Variants in ZNF805 observed in about 807,000 individuals in gnomAD.
The protein encoded by ZNF805 is zinc finger protein 805.
Under a neutral mutation model 13.6 loss-of-function variants are expected in ZNF805, and 7 were observed. That is an observed-to-expected ratio of 0.51 (90% CI 0.29 to 0.97). The LOEUF is 0.97. Among genes scored for constraint, ZNF805 ranks in the 50% least tolerant of loss-of-function variants. The pLI, the probability that ZNF805 is intolerant of heterozygous loss-of-function variation, is 0.08. For missense variants in ZNF805, 604 were observed against 771.0 expected (o/e 0.78, Z 2.57); for synonymous variants, 293 against 279.8 (o/e 1.05, Z -0.47).
Position 57,254,562 on chromosome 19 carries a change from C to G in ZNF805, c.1743C>G (p.Thr581=). The G allele has an allele frequency of 6.2e-7, 1 of 1,614,180 alleles. No individual in the cohort carries two copies. The highest frequency in any genetic ancestry group is 1.1e-5 in the South Asian group (1 of 91,082). ...DVGRPFTSGQ[T]SVNIQELLLG... ...GAAGACCTTTTACAAGTGGGCAGAC[C>G]TCAGTCAACATCCAAGAACTTTTAT... is the stretch of plus-strand genomic sequence containing the variant. Residue 581 remains threonine (T), a synonymous_variant, in exon 4 of 4, where the codon ACC becomes ACG. Coordinates refer to ENST00000414468, the MANE Select transcript of ZNF805 (RefSeq NM_001023563.4).
rs1165077381 is a variant in ZNF805 at position 57,261,941 on chromosome 19, TAAAAC to T, written c.*7241_*7245del. 7 of 166,808 alleles carry T rather than the reference TAAAAC, an allele frequency of 4.2e-5. No individual in the cohort carries two copies. The highest frequency in any genetic ancestry group is 2.1e-4 in the South Asian group (1 of 4,830). 10.3% of individuals were successfully genotyped at this position (166,808 alleles called of 1,614,324 possible). ...CTTCATTGAAGCTCCATCTGGGACT[TAAAAC>T]AACACACGTGAGATGTGTTCCAGGA... On this transcript the variant is annotated 3_prime_UTR_variant, in exon 4 of 4. Transcript: ENST00000414468.
rs1484595402 is a variant in ZNF805 at position 57,259,333 on chromosome 19, C to A, written c.*4630C>A. ...TCTCTTGTGCTTTCATGTTTACCCC[C>A]TTTTTCTGGTCTATTTTTCCCTTTT... is the stretch of plus-strand genomic sequence containing the variant. On this transcript the variant is annotated 3_prime_UTR_variant, in exon 4 of 4. Transcript: ENST00000414468. Among the ~76,000 whole-genome samples the A allele has an allele frequency of 6.6e-6, 1 of 151,822 alleles. No homozygotes were observed. Among genetic ancestry groups the A allele is most frequent in the East Asian group, 1.9e-4 (1 of 5,182 alleles).
In ZNF805 at chr19:57,250,407, T is replaced by C. The variant is rs1429647736; in HGVS notation, c.253+1707T>C. ...ACCACCACATCCGGCTAATTTTGTA[T>C]TTTTAGTAGAGATGGAGTTTCACCA... On this transcript the variant is annotated intron_variant, in intron 3 of 3. Transcript: ENST00000414468. 3.3e-5 allele frequency among the ~76,000 whole-genome samples: 5 copies of C among 152,158 alleles called. No individual in the cohort carries two copies. In the South Asian group the frequency reaches 6.2e-4, roughly 19 times the overall value.
At position 57,254,642 on chromosome 19, in the gene ZNF805, C is replaced by A; in HGVS notation, c.1823C>A (p.Ala608Glu). The change falls in exon 4 of 4, where the codon GCA becomes GAA. Residue 608 changes from alanine (A) to glutamate (E), a missense_variant. Ala to Glu is a moderately radical substitution (Grantham distance 107). This residue lies in a region of ZNF805 where 49 missense variants were observed against 40.0 expected (regional missense o/e 1.23). Coordinates refer to ENST00000414468, the MANE Select transcript of ZNF805 (RefSeq NM_001023563.4). Reference sequence around the variant, plus strand: ...GAGGAAAATCTTTTGCAAGAGGAAGCATCTTACATGGCATCTGATCGTACA... The same window carrying A: ...GAGGAAAATCTTTTGCAAGAGGAAGAATCTTACATGGCATCTGATCGTACA... ...TTEENLLQEE[A>E]SYMASDRTYQ... The A allele has an allele frequency of 6.2e-7, 1 of 1,614,120 alleles. No homozygotes were observed. The highest frequency in any genetic ancestry group is 8.5e-7 in the Non-Finnish European group (1 of 1,180,004).
intron 1 of ZNF805, among the ~76,000 whole-genome samples, chr19:57,242,673 C>T (rs1016924841): frequency 1.3e-5 from 2 of 152,170 alleles, no homozygotes; most frequent in African/African-American, 4.8e-5. Flanking sequence ...AGAGGATGAG[C>T]TGGTCCAGGC....
intron 3 of ZNF805, among the ~76,000 whole-genome samples, chr19:57,249,412 A>G (rs1010298691): frequency 6.6e-6 from 1 of 152,258 alleles, no homozygotes; most frequent in Non-Finnish European, 1.5e-5. Context: ...ATTTTTATAA[A>G]AAACAAAAAA....
chr19:57,253,228 G>A lies in ZNF805; in HGVS notation c.409G>A (p.Glu137Lys). The A allele has an allele frequency of 6.4e-7, 1 of 1,557,902 alleles. No individual in the cohort carries two copies. ...GGATGGGTTTTCAGAAATGCAGGGA[G>A]AACGCTTGAGACCAGGGTTAGATTC... Reference protein sequence around the residue: ...DQDGFSEMQGERLRPGLDSQK... With the variant: ...DQDGFSEMQGKRLRPGLDSQK... Residue 137 changes from glutamate to lysine, a missense_variant, in exon 4 of 4, where the codon GAA (glutamate) becomes AAA (lysine). This residue lies in a region of ZNF805 where 327 missense variants were observed against 378.2 expected (regional missense o/e 0.86). Transcript: ENST00000414468. The surrounding 1 kb of genome is among the most constrained non-coding windows in gnomAD (Gnocchi z 4.4).
intron 3 of ZNF805, among the ~76,000 whole-genome samples, chr19:57,250,687 A>G (rs2087646491): frequency 6.6e-6 from 1 of 152,080 alleles, no homozygotes; most frequent in Non-Finnish European, 1.5e-5. Context: ...GACAGTTAAT[A>G]TTTCCCCAGC....
In ZNF805 at chr19:57,258,559, G is replaced by A. The variant is rs958488083; in HGVS notation, c.*3856G>A. ...TAGTGGTTGCTTTAAGTAGTATAATGTACATATGTAACATAATTACAGTTA... is the reference window on the plus strand; with the variant it reads ...TAGTGGTTGCTTTAAGTAGTATAATATACATATGTAACATAATTACAGTTA... On this transcript the variant is annotated 3_prime_UTR_variant, in exon 4 of 4. Coordinates refer to ENST00000414468, the MANE Select transcript of ZNF805 (RefSeq NM_001023563.4). Among the ~76,000 whole-genome samples the A allele has an allele frequency of 6.8e-6, 1 of 147,886 alleles. No individual in the cohort carries two copies. The highest frequency in any genetic ancestry group is 2.5e-5 in the African/African-American group (1 of 39,898).
intron 1 of ZNF805, among the ~76,000 whole-genome samples, chr19:57,242,628 A>G (rs1301712489): frequency 2.0e-5 from 3 of 152,332 alleles, no homozygotes; most frequent in East Asian, 3.9e-4. Flanking sequence ...GAAAAGGCTA[A>G]TGGTTCATTA....
chr19:57,254,456 A>G lies in ZNF805; in HGVS notation c.1637A>G (p.Lys546Arg). ...EKPYECSECG[K>R]AFSRSSSLTQ... The stretch of plus-strand genomic sequence containing the variant: ...CCGTATGAGTGCAGTGAATGTGGAA[A>G]GGCCTTCAGTCGCAGCTCGTCCCTC... The change falls in exon 4 of 4, where the codon AAG (lysine) becomes AGG (arginine). Residue 546 changes from lysine to arginine, a missense_variant. By Grantham distance (26) the Lys-to-Arg change is conservative. This residue lies in a region of ZNF805 where 228 missense variants were observed against 352.8 expected (regional missense o/e 0.65). Transcript: ENST00000414468. 4 of 1,614,234 alleles carry G rather than the reference A, an allele frequency of 2.5e-6. No homozygotes were observed. The highest frequency in any genetic ancestry group is 3.4e-6 in the Non-Finnish European group (4 of 1,180,032).
chr19:57,240,994 A>G, intron 1 of ZNF805, 73 bp downstream of exon 1: 1 of 1,487,402 alleles, frequency 6.7e-7, no homozygotes, highest in Non-Finnish European at 9.1e-7. Context: ...GCCGGAAGCC[A>G]AGACAGCCAC....
At position 57,255,372 on chromosome 19, in the gene ZNF805, G is replaced by A. The variant is rs553908005; in HGVS notation, c.*669G>A. On this transcript the variant is annotated 3_prime_UTR_variant, in exon 4 of 4. Coordinates refer to ENST00000414468, the MANE Select transcript of ZNF805 (RefSeq NM_001023563.4). ...GTTTGACTTTCCATATACACTTTAG[G>A]ATTGGTTTTTCTGTTTTTCAAATAT... is the stretch of plus-strand genomic sequence containing the variant. 1.3e-5 allele frequency among the ~76,000 whole-genome samples: 2 copies of A among 152,086 alleles called. No homozygotes were observed. The highest frequency in any genetic ancestry group is 4.8e-5 in the African/African-American group (2 of 41,512).
chr19:57,243,381 C>T lies in ZNF805; in HGVS notation c.31-542C>T, dbSNP rs145918250. 1.3e-4 allele frequency among the ~76,000 whole-genome samples: 20 copies of T among 152,290 alleles called. No individual in the cohort carries two copies. In the East Asian group the frequency reaches 3.9e-3, roughly 29 times the overall value. On this transcript the variant is annotated intron_variant, in intron 1 of 3. Coordinates refer to ENST00000414468, the MANE Select transcript of ZNF805 (RefSeq NM_001023563.4). ...CCAAAGTCCAGTAAGCTCTGAATAA[C>T]TCATGTCTGTTATTGGGAAAATGGG...
rs1039209900 is a variant in ZNF805, at chr19:57,259,296, C to T, written c.*4593C>T. Among the ~76,000 whole-genome samples, 2 of 152,064 alleles carry T rather than the reference C, an allele frequency of 1.3e-5. No individual in the cohort carries two copies. The highest frequency in any genetic ancestry group is 4.8e-5 in the African/African-American group (2 of 41,414). Reference sequence around the variant, plus strand: ...GATATGAATGGTAGAGCTTTTGTTACTGTCTCAGAGGTCTCTTGTGCTTTC... The same window carrying T: ...GATATGAATGGTAGAGCTTTTGTTATTGTCTCAGAGGTCTCTTGTGCTTTC... On this transcript the variant is annotated 3_prime_UTR_variant, in exon 4 of 4. Coordinates refer to ENST00000414468, the MANE Select transcript of ZNF805 (RefSeq NM_001023563.4).
chr19:57,262,596 CCA>C lies in ZNF805; in HGVS notation c.*7895_*7896del, dbSNP rs2087731301. On this transcript the variant is annotated 3_prime_UTR_variant, in exon 4 of 4. Transcript: ENST00000414468. The stretch of plus-strand genomic sequence containing the variant: ...CCTAGCACGTATGTCAGTTTCTCAT[CCA>C]CTCTTTGTTCTTGCTATTGAAAGTT... 6.0e-6 allele frequency: 1 copy of C among 167,066 alleles called. No homozygotes were observed. The highest frequency in any genetic ancestry group is 1.5e-5 in the Non-Finnish European group (1 of 68,118). The allele number at this position is 167,066 out of a possible 1,614,324, so 10.3% of individuals were successfully genotyped here.
At chr19:57,245,501 C>T (rs2087607317) in intron 2 of ZNF805, among the ~76,000 whole-genome samples, 1 of 152,254 alleles carries the variant, frequency 6.6e-6, no homozygotes, top group East Asian at 1.9e-4. Flanking sequence ...GATGATGGGC[C>T]AGGTGCGATA....
At chr19:57,251,340 C>G (rs1200289556) in intron 3 of ZNF805, among the ~76,000 whole-genome samples, 1 of 152,150 alleles carries the variant, frequency 6.6e-6, no homozygotes, top group East Asian at 1.9e-4. Context: ...AAAATATTAT[C>G]TGTTGTGCTC....
rs1357043195 is a variant in ZNF805 at position 57,258,853 on chromosome 19, T to A, written c.*4150T>A. ...TTCTGTTTGGCGAACTTGTGTAACCTTTTTTCTAGGGTCAGTCTGCTGGTG... is the reference window on the plus strand; with the variant it reads ...TTCTGTTTGGCGAACTTGTGTAACCATTTTTCTAGGGTCAGTCTGCTGGTG... On this transcript the variant is annotated 3_prime_UTR_variant, in exon 4 of 4. Transcript: ENST00000414468. 1.3e-5 allele frequency among the ~76,000 whole-genome samples: 2 copies of A among 152,208 alleles called. No individual in the cohort carries two copies. Among genetic ancestry groups the A allele is most frequent in the East Asian group, 1.9e-4 (1 of 5,200 alleles).
Sources: allele counts gnomAD v4.1 joint callset (sites outside exome capture counted in the v4.1 genomes callset), GRCh38; gene constraint gnomAD v4.1.1; regional missense constraint gnomAD v4.1.1; non-coding constraint Gnocchi (gnomAD v3.1); transcripts MANE v1.5; gene names NCBI Gene and HGNC (gene_info 2026-07-23, HGNC 2026-07-21).